Variants in ZFAT observed in about 807,000 individuals in gnomAD.
ZFAT encodes zinc finger and AT-hook domain containing.
Under a neutral mutation model 117.7 loss-of-function variants are expected in ZFAT, and 64 were observed. The ratio of observed to expected loss-of-function variants is 0.54; its 90% CI spans 0.44 to 0.67. ZFAT has a LOEUF of 0.67. Among genes scored for constraint, ZFAT ranks in the 30% least tolerant of loss-of-function variants. The pLI is 0.00. For missense variants in ZFAT, 1,433 were observed against 1,584.5 expected, an observed-to-expected ratio of 0.90 and a Z score of 1.62; for synonymous variants, 679 against 615.0, an observed-to-expected ratio of 1.10 and a Z score of -1.54.
rs1449395425 is a variant in ZFAT, at chr8:134,485,442, T to C, written c.3493-6721A>G. 3.9e-5 allele frequency among the ~76,000 whole-genome samples: 6 copies of C among 152,218 alleles called. No individual in the cohort carries two copies. The South Asian group carries it at 1.2e-3, about 32-fold the overall frequency. On this transcript the variant is annotated intron_variant, in intron 15 of 15. Transcript: ENST00000377838. ...ACACTGATGGACTCCTCTGTCAAAG[T>C]ACCCTCTGCCTGGGAAACATGTTCT...
At chr8:134,802,636 A>G in the ZFAT span, among the ~76,000 whole-genome samples, 1 of 152,244 alleles carries the variant, frequency 6.6e-6, no homozygotes. Context: ...ATTTCAGACC[A>G]TATACTCAGG....
At chr8:134,807,736 C>T in the ZFAT span, among the ~76,000 whole-genome samples, 1 of 148,702 alleles carries the variant, frequency 6.7e-6, no homozygotes, top group Non-Finnish European at 1.5e-5. Flanking sequence ...AAACAAAAAA[C>T]ACAGATACTC....
intron 3 of ZFAT, among the ~76,000 whole-genome samples, chr8:134,611,753 G>T (rs1425696644): frequency 1.3e-5 from 2 of 152,226 alleles, no homozygotes; most frequent in African/African-American, 4.8e-5. Flanking sequence ...GGGAAACAAT[G>T]CCTGGGGCCT....
At chr8:134,778,451 A>G in the ZFAT span, among the ~76,000 whole-genome samples, 1 of 152,198 alleles carries the variant, frequency 6.6e-6, no homozygotes, top group African/African-American at 2.4e-5. Flanking sequence ...AGTTTAAGGC[A>G]CTGGGACACT....
In ZFAT at chr8:134,509,715, C is replaced by G; in HGVS notation, c.3396G>C (p.Leu1132=). Residue 1132 remains leucine (L), a synonymous_variant, in exon 15 of 16, where the codon CTG becomes CTC. Coordinates refer to ENST00000377838, the MANE Select transcript of ZFAT (RefSeq NM_020863.4). ...DRLDPTAVNI[L]QQIIELGAET... ...CGGCGCCCAGCTCAATGATCTGCTG[C>G]AGGATGTTCACGGCCGTGGGGTCCA... 1 of 1,611,118 alleles carries G rather than the reference C, an allele frequency of 6.2e-7. No individual in the cohort carries two copies. Among genetic ancestry groups the G allele is most frequent in the South Asian group, 1.1e-5 (1 of 90,956 alleles).
At chr8:134,588,105 T>C (rs1826197566) in intron 9 of ZFAT, 141 bp downstream of exon 9, 1 of 1,015,066 alleles carries the variant, frequency 9.9e-7, no homozygotes, top group South Asian at 1.8e-5. Context: ...TGTAGCTGGT[T>C]GATGGACACA....
chr8:134,804,503 C>A, the ZFAT span, among the ~76,000 whole-genome samples: 1 of 152,164 alleles, frequency 6.6e-6, no homozygotes, highest in Admixed American at 6.5e-5. Flanking sequence ...TGAAATTATT[C>A]TCCAGAACTT....
chr8:134,604,651 C>A (rs1359315425), intron 5 of ZFAT, among the ~76,000 whole-genome samples: 1 of 152,200 alleles, frequency 6.6e-6, no homozygotes, highest in African/African-American at 2.4e-5. Flanking sequence ...TCAACTGTAC[C>A]CACTCTCACT....
At chr8:134,758,384 C>T in the ZFAT span, among the ~76,000 whole-genome samples, 1 of 152,250 alleles carries the variant, frequency 6.6e-6, no homozygotes, top group Non-Finnish European at 1.5e-5. Context: ...CAACTCTCCA[C>T]TTTACCTCCT....
chr8:134,819,638 T>C, the ZFAT span, among the ~76,000 whole-genome samples: 1 of 151,968 alleles, frequency 6.6e-6, no homozygotes, highest in African/African-American at 2.4e-5. Flanking sequence ...CCTATTCCAC[T>C]TGTCCCTTAA....
intron 11 of ZFAT, among the ~76,000 whole-genome samples, chr8:134,556,991 T>G (rs944489374): frequency 2.6e-5 from 4 of 151,996 alleles, no homozygotes; most frequent in African/African-American, 7.2e-5. Context: ...TAAAATATTT[T>G]ATAAATATTT....
At chr8:134,751,269 C>A in the ZFAT span, among the ~76,000 whole-genome samples, 1 of 152,142 alleles carries the variant, frequency 6.6e-6, no homozygotes, top group East Asian at 1.9e-4. Context: ...GGTTGCCATC[C>A]TGGAAGCACT....
the ZFAT span, among the ~76,000 whole-genome samples, chr8:134,775,211 C>T: frequency 0.33 from 49,644 of 152,058 alleles, 8,377 homozygotes; most frequent in Admixed American, 0.42. Context: ...ATGAAGTCCC[C>T]GTGGATCTAT....
the ZFAT span, among the ~76,000 whole-genome samples, chr8:134,780,982 G>A: frequency 6.6e-6 from 1 of 152,090 alleles, no homozygotes; most frequent in African/African-American, 2.4e-5. Context: ...CTTTTCATAT[G>A]ACTAATTGGC....
intron 10 of ZFAT, among the ~76,000 whole-genome samples, chr8:134,571,377 C>T (rs973213481): frequency 6.6e-6 from 1 of 152,160 alleles, no homozygotes; most frequent in African/African-American, 2.4e-5. Context: ...GAAGAAGGAA[C>T]TCAAACACAA....
At chr8:134,784,987 T>A in the ZFAT span, 7 of 152,210 alleles carry the variant, frequency 4.6e-5, no homozygotes, top group African/African-American at 1.7e-4. Context: ...CTAAATATGA[T>A]GCAAAACTTT....
chr8:134,513,423 T>C (rs1820008900), intron 13 of ZFAT, among the ~76,000 whole-genome samples: 1 of 152,204 alleles, frequency 6.6e-6, no homozygotes, highest in African/African-American at 2.4e-5. Context: ...CTCGATCTCC[T>C]GAGCCTCCCA....
rs371747997 is a variant in ZFAT at position 134,512,509 on chromosome 8, G to A, written c.3327C>T (p.Ala1109=). ...EDVQGTQAAV[A]ALQDLRYTSE... ...AGGTGTATCTCAGGTCCTGGAGCGC[G>A]GCCACCGCTGCCTGTGTCCCTTGAA... is the stretch of plus-strand genomic sequence containing the variant. Residue 1109 remains alanine, a synonymous_variant, in exon 14 of 16, where the codon GCC becomes GCT. Coordinates refer to ENST00000377838, the MANE Select transcript of ZFAT (RefSeq NM_020863.4). 50 of 1,613,992 alleles carry A rather than the reference G, an allele frequency of 3.1e-5. No homozygotes were observed. In the Middle Eastern group the frequency reaches 6.6e-4, roughly 21 times the overall value.
chr8:134,659,201 C>T (rs1331442402), intron 1 of ZFAT, among the ~76,000 whole-genome samples: 1 of 152,230 alleles, frequency 6.6e-6, no homozygotes, highest in Admixed American at 6.5e-5. Context: ...TCGCTCCTCA[C>T]TCTCAACAGC....
Sources: gnomAD v4.1 joint callset for allele counts (sites outside exome capture counted in the v4.1 genomes callset) on GRCh38, gnomAD v4.1.1 for gene constraint, MANE v1.5 for transcripts, NCBI Gene and HGNC (gene_info 2026-07-23, HGNC 2026-07-21) for gene names.